Variants in CNTN5 observed in about 807,000 individuals in gnomAD.
The protein encoded by CNTN5 is contactin-5.
CNTN5 carries 77 observed loss-of-function variants against 129.1 expected under a neutral mutation model. The observed-to-expected ratio is 0.60, with a 90% CI of 0.50 to 0.72. The LOEUF is 0.72. Ranked by LOEUF, CNTN5 falls within the 30% of genes least tolerant of loss-of-function variation. The probability of loss-of-function intolerance (pLI) is 0.00; values close to 1 mark genes in which losing one functional copy is unlikely to be tolerated. For synonymous variants in CNTN5, 509 were observed against 465.6 expected, an observed-to-expected ratio of 1.09 and a Z score of -1.20; for missense variants, 1,478 against 1,328.8, an observed-to-expected ratio of 1.11 and a Z score of -1.75.
intron 1 of CNTN5, among the ~76,000 whole-genome samples, chr11:99,154,723 G>A (rs1000631053): frequency 6.6e-6 from 1 of 152,164 alleles, no homozygotes; most frequent in Non-Finnish European, 1.5e-5. Context: ...GGACCTCCAG[G>A]AAGCACCCAG....
chr11:100,333,408 GAAAAAAAA>G (rs547220238), intron 21 of CNTN5, among the ~76,000 whole-genome samples: 2 of 74,274 alleles, frequency 2.7e-5, no homozygotes, highest in Admixed American at 1.8e-4. Context: ...CACTGAATTA[GAAAAAAAA>G]AAAAAAAAAA....
chr11:99,576,117 C>G (rs1161664518), intron 3 of CNTN5, among the ~76,000 whole-genome samples: 1 of 152,140 alleles, frequency 6.6e-6, no homozygotes, highest in Non-Finnish European at 1.5e-5. Context: ...AACAAATAAC[C>G]GCTTTTTCCC....
At chr11:100,172,311 G>A (rs907875643) in intron 13 of CNTN5, among the ~76,000 whole-genome samples, 1 of 151,818 alleles carries the variant, frequency 6.6e-6, no homozygotes, top group Admixed American at 6.6e-5. Context: ...ATTAAAAAAA[G>A]TGATTAATCA....
chr11:100,213,690 C>G (rs1393461542), intron 15 of CNTN5, among the ~76,000 whole-genome samples: 9 of 152,034 alleles, frequency 5.9e-5, no homozygotes, highest in Admixed American at 5.2e-4. Flanking sequence ...TTAAACTGAA[C>G]TATTCTTCTA....
chr11:99,676,375 C>A (rs1468902575), intron 3 of CNTN5, among the ~76,000 whole-genome samples: 1 of 152,108 alleles, frequency 6.6e-6, no homozygotes, highest in African/African-American at 2.4e-5. Context: ...AATTCAGAAG[C>A]CACCTGGTGA....
intron 1 of CNTN5, among the ~76,000 whole-genome samples, chr11:99,226,274 G>A (rs1438662726): frequency 6.6e-6 from 1 of 152,156 alleles, no homozygotes; most frequent in South Asian, 2.1e-4. Flanking sequence ...ACACTAACGT[G>A]AGGGTCTTTA....
At chr11:99,285,188 G>A (rs903119022) in intron 1 of CNTN5, among the ~76,000 whole-genome samples, 5 of 152,148 alleles carry the variant, frequency 3.3e-5, no homozygotes, top group African/African-American at 4.8e-5. Context: ...GCAGATAAAT[G>A]AGTTTATTTT....
At chr11:99,128,727 A>T (rs796961139) in intron 1 of CNTN5, among the ~76,000 whole-genome samples, 35 of 152,292 alleles carry the variant, frequency 2.3e-4, no homozygotes, top group African/African-American at 8.2e-4. Flanking sequence ...TATGGCTGGC[A>T]TCAGGTCGGT....
At chr11:99,532,590 G>A (rs1294104918) in intron 2 of CNTN5, among the ~76,000 whole-genome samples, 1 of 152,136 alleles carries the variant, frequency 6.6e-6, no homozygotes, top group Non-Finnish European at 1.5e-5. Flanking sequence ...TTGTGGGAGG[G>A]ACCCAGGAGG....
At chr11:99,579,381 C>CT (rs1210258955) in intron 3 of CNTN5, among the ~76,000 whole-genome samples, 1 of 151,782 alleles carries the variant, frequency 6.6e-6, no homozygotes, top group South Asian at 2.1e-4. Context: ...TCATTGGTAG[C>CT]TTGATGGGGA....
intron 2 of CNTN5, among the ~76,000 whole-genome samples, chr11:99,355,821 G>GTTTTTTTTTTTT (rs386756715): frequency 1.6e-4 from 21 of 131,130 alleles, no homozygotes; most frequent in Admixed American, 2.3e-4. Flanking sequence ...GTTTTTTTTT[G>GTTTTTTTTTTTT]TTTTTTTTTT....
intron 13 of CNTN5, among the ~76,000 whole-genome samples, chr11:100,167,072 C>G (rs1947661454): frequency 6.6e-6 from 1 of 151,678 alleles, no homozygotes; most frequent in Non-Finnish European, 1.5e-5. Context: ...GATTGTGCTA[C>G]AATATAAAAT....
At chr11:100,337,286 T>A in intron 21 of CNTN5, 1 of 1,171,732 alleles carries the variant, frequency 8.5e-7, no homozygotes, top group Non-Finnish European at 1.3e-6. Context: ...GTAGCCTTTA[T>A]AAATCATGCT....
intron 3 of CNTN5, among the ~76,000 whole-genome samples, chr11:99,786,080 T>G (rs1735139330): frequency 6.6e-6 from 1 of 152,108 alleles, no homozygotes; most frequent in South Asian, 2.1e-4. Flanking sequence ...TGTTTGCAGA[T>G]CACATGATTG....
At chr11:99,842,517 A>G (rs2135682472) in intron 4 of CNTN5, among the ~76,000 whole-genome samples, 1 of 152,342 alleles carries the variant, frequency 6.6e-6, no homozygotes, top group Non-Finnish European at 1.5e-5. Context: ...TCATGGCTAA[A>G]AAATACTACT....
intron 2 of CNTN5, among the ~76,000 whole-genome samples, chr11:99,450,916 T>G (rs1944279685): frequency 6.6e-6 from 1 of 151,986 alleles, no homozygotes; most frequent in African/African-American, 2.4e-5. Flanking sequence ...TGACTATATC[T>G]AAATAATAAG....
intron 2 of CNTN5, among the ~76,000 whole-genome samples, chr11:99,495,726 A>C (rs960254431): frequency 5.3e-5 from 8 of 152,160 alleles, no homozygotes; most frequent in Non-Finnish European, 1.0e-4. Context: ...GTAGAGAATA[A>C]ATTACGGAAG....
chr11:99,434,223 G>T (rs1050168533), intron 2 of CNTN5, among the ~76,000 whole-genome samples: 1 of 151,982 alleles, frequency 6.6e-6, no homozygotes, highest in African/African-American at 2.4e-5. Flanking sequence ...CAATATTGTG[G>T]AAAAATATAT....
chr11:100,245,692 G>A (rs1039924609), intron 16 of CNTN5, among the ~76,000 whole-genome samples: 1 of 152,066 alleles, frequency 6.6e-6, no homozygotes, highest in African/African-American at 2.4e-5. Context: ...AAATCTACAT[G>A]TCCTGTCTGT....
Sources: allele counts gnomAD v4.1 joint callset (sites outside exome capture counted in the v4.1 genomes callset), GRCh38; gene constraint gnomAD v4.1.1; transcripts MANE v1.5; gene names NCBI Gene and HGNC (gene_info 2026-07-23, HGNC 2026-07-21).